GNB1: variants seen among roughly 807,000 people sequenced by gnomAD.
The protein encoded by GNB1 is G protein subunit beta 1.
Under a neutral mutation model 42.9 loss-of-function variants are expected in GNB1, and 2 were observed. That is an observed-to-expected ratio of 0.05 (90% CI 0.02 to 0.15). The LOEUF is 0.15. GNB1 is among the 10% of genes least tolerant of loss of function. GNB1 has a pLI of 1.00. For missense variants in GNB1, 193 were observed against 462.2 expected, an observed-to-expected ratio of 0.42 and a Z score of 5.34; for synonymous variants, 183 against 174.7, an observed-to-expected ratio of 1.05 and a Z score of -0.38.
chr1:1,864,314 C>CAAAAAAAAAAAAAAAAAA (rs1173466617), intron 1 of GNB1, among the ~76,000 whole-genome samples: 2 of 37,928 alleles, frequency 5.3e-5, no homozygotes, highest in East Asian at 1.2e-3. Context: ...AAGACTCTCT[C>CAAAAAAAAAAAAAAAAAA]AAAAAAAAAA....
intron 7 of GNB1, among the ~76,000 whole-genome samples, chr1:1,803,183 T>C (rs1646648830): frequency 6.6e-6 from 1 of 152,216 alleles, no homozygotes; most frequent in Admixed American, 6.5e-5. Context: ...AGGTAAAATA[T>C]TAGAATAGTA....
intron 2 of GNB1, among the ~76,000 whole-genome samples, chr1:1,827,478 A>G (rs1647014761): frequency 6.6e-6 from 1 of 152,256 alleles, no homozygotes; most frequent in African/African-American, 2.4e-5. Flanking sequence ...CACATGGAGC[A>G]TCACCGGAAT....
chr1:1,859,991 G>A (rs1041421416), intron 1 of GNB1, among the ~76,000 whole-genome samples: 1 of 152,062 alleles, frequency 6.6e-6, no homozygotes, highest in African/African-American at 2.4e-5. Context: ...CACCAACATG[G>A]CACATGTATA....
intron 1 of GNB1, among the ~76,000 whole-genome samples, chr1:1,866,155 G>T (rs1048826263): frequency 2.0e-5 from 3 of 152,196 alleles, no homozygotes; most frequent in Non-Finnish European, 4.4e-5. Flanking sequence ...GGTCAGGCTG[G>T]TCTCAAACTC....
chr1:1,795,870 T>A (rs1646540179), intron 7 of GNB1, among the ~76,000 whole-genome samples: 1 of 152,206 alleles, frequency 6.6e-6, no homozygotes, highest in South Asian at 2.1e-4. Flanking sequence ...AACCAGAGAC[T>A]GAACCCTAAA....
intron 1 of GNB1, among the ~76,000 whole-genome samples, chr1:1,855,630 CGG>C (rs1481342811): frequency 6.8e-6 from 1 of 146,164 alleles, no homozygotes; most frequent in Non-Finnish European, 1.5e-5. Flanking sequence ...GCATGAACCC[CGG>C]GGGGCGGAGC....
At chr1:1,847,099 A>G (rs1196130012) in intron 1 of GNB1, among the ~76,000 whole-genome samples, 1 of 152,174 alleles carries the variant, frequency 6.6e-6, no homozygotes, top group Non-Finnish European at 1.5e-5. Flanking sequence ...CACAAAGGAC[A>G]CTTATTAGTA....
intron 1 of GNB1, among the ~76,000 whole-genome samples, chr1:1,853,125 C>T (rs1287862505): frequency 6.6e-6 from 1 of 152,114 alleles, no homozygotes; most frequent in Non-Finnish European, 1.5e-5. Context: ...GCTCCACTCC[C>T]ACTGCTTCAG....
chr1:1,836,558 A>C (rs1391148229), intron 2 of GNB1, among the ~76,000 whole-genome samples: 1 of 151,268 alleles, frequency 6.6e-6, no homozygotes, highest in East Asian at 1.9e-4. Flanking sequence ...TGCCTGGCTA[A>C]ATTTTTTTTT....
chr1:1,802,926 A>G (rs1290627760), intron 7 of GNB1, among the ~76,000 whole-genome samples: 1 of 152,232 alleles, frequency 6.6e-6, no homozygotes, highest in Non-Finnish European at 1.5e-5. Context: ...GGCAACTCCA[A>G]AGTAAGCAGA....
At chr1:1,874,075 G>C (rs770055709) in intron 1 of GNB1, among the ~76,000 whole-genome samples, 1 of 152,228 alleles carries the variant, frequency 6.6e-6, no homozygotes, top group Non-Finnish European at 1.5e-5. Flanking sequence ...AGGACAGTCA[G>C]TGGAACAAAT....
At chr1:1,825,315 T>G in intron 3 of GNB1, 82 bp downstream of exon 3, 1 of 955,134 alleles carries the variant, frequency 1.0e-6, no homozygotes. Flanking sequence ...CAAGTCATCC[T>G]GTAAACCATT....
At position 1,825,459 on chromosome 1, in the gene GNB1, G is replaced by A. The variant is rs375176616; in HGVS notation, c.-6C>T. 67 of 1,606,256 alleles carry A rather than the reference G, an allele frequency of 4.2e-5. No homozygotes were observed. Among genetic ancestry groups the A allele is most frequent in the Non-Finnish European group, 3.8e-5 (45 of 1,172,948 alleles). The stretch of plus-strand genomic sequence containing the variant: ...AACTGGTCAAGCTCACTCATCTTCC[G>A]ATCTTAGTGCTCTTCAATGCCACCT... On this transcript the variant is annotated 5_prime_UTR_variant, in exon 3 of 12. Transcript: ENST00000378609.
chr1:1,786,448 G>C lies in GNB1; in HGVS notation c.*615C>G, dbSNP rs747117707. 1.6e-5 allele frequency: 3 copies of C among 191,194 alleles called. No homozygotes were observed. The highest frequency in any genetic ancestry group is 3.2e-5 in the Non-Finnish European group (3 of 94,024). The allele number at this position is 191,194 out of a possible 1,614,324, so 11.8% of individuals were successfully genotyped here. A position where few individuals can be genotyped will look rare whatever the true frequency, so the allele number is the denominator to read the frequency against. On this transcript the variant is annotated 3_prime_UTR_variant, in exon 12 of 12. Transcript: ENST00000378609. ...CTATGCCACGTTTGTGTGCAACAAT[G>C]ATCTGTGACATCAGACAGAAAATTA... is the stretch of plus-strand genomic sequence containing the variant.
At chr1:1,843,821 A>T (rs1647460058) in intron 1 of GNB1, among the ~76,000 whole-genome samples, 1 of 152,160 alleles carries the variant, frequency 6.6e-6, no homozygotes, top group Non-Finnish European at 1.5e-5. Flanking sequence ...GTGCTTTGGG[A>T]GGCCGAGGCG....
intron 7 of GNB1, among the ~76,000 whole-genome samples, chr1:1,801,058 C>CT (rs1329302325): frequency 1.3e-5 from 2 of 152,264 alleles, no homozygotes; most frequent in Non-Finnish European, 2.9e-5. Flanking sequence ...GAGACGGAGT[C>CT]TCACTCTGTT....
rs1646669919 is a variant in GNB1, at chr1:1,804,492, G to A, written c.357C>T (p.Asn119=). The A allele has an allele frequency of 6.2e-7, 1 of 1,613,596 alleles. No individual in the cohort carries two copies. Among genetic ancestry groups the A allele is most frequent in the African/African-American group, 1.3e-5 (1 of 74,990 alleles). Reference sequence around the variant, plus strand: ...TTTTCAGATTGTAAATGGAGCAAATGTTATCCAGGCCACCGCAGGCCACAT... The same window carrying A: ...TTTTCAGATTGTAAATGGAGCAAATATTATCCAGGCCACCGCAGGCCACAT... The part of the protein sequence containing the change: ...GNYVACGGLD[N]ICSIYNLKTR... The change falls in exon 7 of 12, where the codon AAC becomes AAT. Residue 119 remains asparagine, a synonymous_variant. Transcript: ENST00000378609.
intron 5 of GNB1, among the ~76,000 whole-genome samples, chr1:1,813,816 G>T (rs1646814409): frequency 6.6e-6 from 1 of 152,162 alleles, no homozygotes; most frequent in East Asian, 1.9e-4. Context: ...ATATTTAAAA[G>T]AATTTTTGAC....
At chr1:1,878,269 C>T (rs1202522788) in intron 1 of GNB1, among the ~76,000 whole-genome samples, 1 of 152,206 alleles carries the variant, frequency 6.6e-6, no homozygotes, top group Non-Finnish European at 1.5e-5. Flanking sequence ...CACCAACTGC[C>T]ATGGGAGTGT....
Sources: gnomAD v4.1 joint callset for allele counts (sites outside exome capture counted in the v4.1 genomes callset) on GRCh38, gnomAD v4.1.1 for gene constraint, MANE v1.5 for transcripts, NCBI Gene and HGNC (gene_info 2026-07-23, HGNC 2026-07-21) for gene names.